The following MALRD1 variants were observed in gnomAD, a reference collection of about 807,000 sequenced individuals.
MALRD1 encodes MAM and LDL receptor class A domain containing 1.
In MALRD1, 247 loss-of-function variants were observed where a neutral mutation model predicts 242.1. The ratio of observed to expected loss-of-function variants is 1.02; its 90% CI spans 0.92 to 1.13. The LOEUF is 1.13. MALRD1 is among the 50% of genes most tolerant of loss of function. MALRD1 has a pLI of 0.00. For missense variants in MALRD1, 2,989 were observed against 2,533.1 expected (o/e 1.18, Z -3.86); for synonymous variants, 995 against 866.6 (o/e 1.15, Z -2.60).
At chr10:19,438,008 T>A (rs1210319110) in intron 28 of MALRD1, among the ~76,000 whole-genome samples, 1 of 152,076 alleles carries the variant, frequency 6.6e-6, no homozygotes, top group East Asian at 1.9e-4. Flanking sequence ...TTGGTAGAAG[T>A]CCCTGCCGTG....
intron 38 of MALRD1, among the ~76,000 whole-genome samples, chr10:19,695,319 G>T (rs1177038648): frequency 6.6e-6 from 1 of 152,060 alleles, no homozygotes; most frequent in South Asian, 2.1e-4. Flanking sequence ...TGGTGCCTGG[G>T]GAAGATAGCA....
chr10:19,491,577 G>T lies in MALRD1; in HGVS notation c.5090G>T (p.Cys1697Phe), dbSNP rs753395376. 46 of 1,550,070 alleles carry T rather than the reference G, an allele frequency of 3.0e-5. No homozygotes were observed. The highest frequency in any genetic ancestry group is 4.1e-5 in the African/African-American group (3 of 73,026). The part of the protein sequence containing the change: ...ITDFLCRDKK[C>F]IASHLLCDYK... ...GATTTTTTGTGCCGGGACAAGAAGT[G>T]CATTGCATCCCACCTTCTTTGTGAC... The change falls in exon 30 of 40, where the codon TGC (cysteine) becomes TTC (phenylalanine). Residue 1697 changes from cysteine to phenylalanine, a missense_variant. Transcript: ENST00000454679.
intron 32 of MALRD1, among the ~76,000 whole-genome samples, chr10:19,553,589 A>G (rs1835588696): frequency 1.3e-5 from 2 of 152,198 alleles, no homozygotes; most frequent in Non-Finnish European, 2.9e-5. Flanking sequence ...TCAGAAACTG[A>G]TGAATAAAAT....
intron 36 of MALRD1, among the ~76,000 whole-genome samples, chr10:19,647,407 G>C (rs951705441): frequency 6.6e-6 from 1 of 152,140 alleles, no homozygotes; most frequent in Non-Finnish European, 1.5e-5. Context: ...CTCCTTGGGA[G>C]TACATAGCAA....
chr10:19,505,531 T>G (rs532893253), intron 31 of MALRD1, among the ~76,000 whole-genome samples: 6 of 152,332 alleles, frequency 3.9e-5, no homozygotes, highest in African/African-American at 1.2e-4. Flanking sequence ...ACCTTGGTCT[T>G]GGACTTCCAG....
chr10:19,152,190 C>G (rs181387233), intron 11 of MALRD1, among the ~76,000 whole-genome samples: 3 of 152,078 alleles, frequency 2.0e-5, no homozygotes, highest in Non-Finnish European at 4.4e-5. Context: ...CTTGCCATGA[C>G]CAGGAATAAA....
intron 28 of MALRD1, among the ~76,000 whole-genome samples, chr10:19,437,016 G>A (rs1834375231): frequency 6.6e-6 from 1 of 152,046 alleles, no homozygotes; most frequent in Non-Finnish European, 1.5e-5. Flanking sequence ...ATTACATTTA[G>A]GAGGAGTATT....
chr10:19,171,892 G>T (rs1834989769), intron 13 of MALRD1, among the ~76,000 whole-genome samples: 1 of 128,168 alleles, frequency 7.8e-6, no homozygotes, highest in Non-Finnish European at 1.6e-5. Flanking sequence ...GTATATATAT[G>T]ATATATATCA....
intron 32 of MALRD1, among the ~76,000 whole-genome samples, chr10:19,554,413 G>T (rs1188916900): frequency 6.6e-6 from 1 of 151,902 alleles, no homozygotes; most frequent in Admixed American, 6.6e-5. Flanking sequence ...AAGTTCCAGG[G>T]TACATGCGCA....
intron 36 of MALRD1, among the ~76,000 whole-genome samples, chr10:19,628,113 T>C (rs1344870315): frequency 6.6e-6 from 1 of 152,076 alleles, no homozygotes; most frequent in African/African-American, 2.4e-5. Context: ...CCTATTAAAG[T>C]GACAAAACAT....
chr10:19,260,345 C>G (rs1344321050), intron 19 of MALRD1, among the ~76,000 whole-genome samples: 1 of 152,214 alleles, frequency 6.6e-6, no homozygotes, highest in Middle Eastern at 3.4e-3. Context: ...TAGCTCTAAG[C>G]TATGTGTCTC....
Position 19,127,170 on chromosome 10 carries a change from G to A in MALRD1, c.944-1051G>A, listed in dbSNP as rs369776362. 6.7e-4 allele frequency among the ~76,000 whole-genome samples: 102 copies of A among 152,218 alleles called. No individual in the cohort carries two copies. The South Asian group carries it at 0.015, about 22-fold the overall frequency. On this transcript the variant is annotated intron_variant, in intron 7 of 39. Coordinates refer to ENST00000454679, the MANE Select transcript of MALRD1 (RefSeq NM_001142308.3). Reference sequence around the variant, plus strand: ...TCCAGTCTATCATTGATGGGCATTTGGGTTGATTCCATGTCTTTGCTATTG... The same window carrying A: ...TCCAGTCTATCATTGATGGGCATTTAGGTTGATTCCATGTCTTTGCTATTG...
In MALRD1 at chr10:19,064,769, CAA is replaced by C. The variant is rs147678284; in HGVS notation, c.200-1929_200-1928del. Among the ~76,000 whole-genome samples the C allele has an allele frequency of 8.1e-4, 51 of 63,166 alleles. No homozygotes were observed. In the South Asian group the frequency reaches 0.013, roughly 17 times the overall value. The allele number at this position is 63,166 out of a possible 152,430, so 41.4% of individuals were successfully genotyped here. On this transcript the variant is annotated intron_variant, in intron 1 of 39. Coordinates refer to ENST00000454679, the MANE Select transcript of MALRD1 (RefSeq NM_001142308.3). ...TGGGCGACAGAAAGAAACTCTGTCT[CAA>C]AAAAAAAAAAAAAAAAAAAATTGAG...
rs73593847 is a variant in MALRD1 at position 19,156,698 on chromosome 10, T to A, written c.1656+1526T>A. ...TGACTCACCTAGAGTCACTGAGAAATCATATGCATGTATATGATTTTAAAA... is the reference window on the plus strand; with the variant it reads ...TGACTCACCTAGAGTCACTGAGAAAACATATGCATGTATATGATTTTAAAA... On this transcript the variant is annotated intron_variant, in intron 12 of 39. Transcript: ENST00000454679. 6.0e-3 allele frequency among the ~76,000 whole-genome samples: 920 copies of A among 152,268 alleles called. 11 individuals carry two copies. The highest frequency in any genetic ancestry group is 0.021 in the African/African-American group (882 of 41,550).
At position 19,450,323 on chromosome 10, in the gene MALRD1, C is replaced by A; in HGVS notation, c.4862C>A (p.Ser1621Ter). 6.5e-7 allele frequency: 1 copy of A among 1,548,376 alleles called. No individual in the cohort carries two copies. The change falls in exon 29 of 40, where the codon TCA becomes TAA. Residue 1621 changes from serine (S) to a stop codon, truncating the protein, a stop_gained. Coordinates refer to ENST00000454679, the MANE Select transcript of MALRD1 (RefSeq NM_001142308.3). LOFTEE classifies it high-confidence loss of function. ...TACTTTCAGACAGAGAAAGGACTAT[C>A]AAAAGTATGGCAAGAAAGTAAGCAG... ...QILIKTEKGL[S>*]KVWQESKQNP...
At chr10:19,604,024 G>A (rs552087639) in intron 34 of MALRD1, among the ~76,000 whole-genome samples, 2 of 152,240 alleles carry the variant, frequency 1.3e-5, no homozygotes, top group East Asian at 1.9e-4. Context: ...TCAAGTGAAA[G>A]GAGGAAATGC....
intron 21 of MALRD1, among the ~76,000 whole-genome samples, chr10:19,287,709 A>C (rs1420131949): frequency 1.3e-5 from 2 of 152,122 alleles, no homozygotes; most frequent in African/African-American, 4.8e-5. Flanking sequence ...AAATTTAAAA[A>C]CTATACCATA....
intron 38 of MALRD1, among the ~76,000 whole-genome samples, chr10:19,729,552 ATGTG>A (rs374304298): frequency 7.0e-6 from 1 of 141,986 alleles, no homozygotes; most frequent in Non-Finnish European, 1.5e-5. Context: ...ATCCTTTCTT[ATGTG>A]TGTGTGTGTG....
chr10:19,364,897 C>T (rs1845044021), intron 26 of MALRD1, among the ~76,000 whole-genome samples: 1 of 152,016 alleles, frequency 6.6e-6, no homozygotes, highest in Non-Finnish European at 1.5e-5. Context: ...CCACATAAGC[C>T]ATTTCTTTGA....
Sources: allele counts gnomAD v4.1 joint callset (sites outside exome capture counted in the v4.1 genomes callset), GRCh38; gene constraint gnomAD v4.1.1; transcripts MANE v1.5; gene names NCBI Gene and HGNC (gene_info 2026-07-23, HGNC 2026-07-21).